Variants in EIPR1 observed in about 807,000 individuals in gnomAD.
The protein encoded by EIPR1 is EARP complex and GARP complex interacting protein 1.
Under a neutral mutation model 48.1 loss-of-function variants are expected in EIPR1, and 25 were observed. That is an observed-to-expected ratio of 0.52 (90% CI 0.38 to 0.73). The LOEUF is 0.73. Among genes scored for constraint, EIPR1 ranks in the 30% least tolerant of loss-of-function variants. EIPR1 has a pLI of 0.00. For missense variants in EIPR1, 415 were observed against 506.2 expected, an observed-to-expected ratio of 0.82 and a Z score of 1.73; for synonymous variants, 204 against 201.9, an observed-to-expected ratio of 1.01 and a Z score of -0.09.
chr2:3,218,694 AC>A (rs1665741746), intron 4 of EIPR1, among the ~76,000 whole-genome samples: 2 of 149,600 alleles, frequency 1.3e-5, no homozygotes, highest in South Asian at 4.3e-4. Flanking sequence ...TCAGGTGGAC[AC>A]CCAACACGGC....
chr2:3,255,486 A>G (rs1274654286), intron 4 of EIPR1, among the ~76,000 whole-genome samples: 3 of 152,198 alleles, frequency 2.0e-5, no homozygotes, highest in African/African-American at 7.2e-5. Flanking sequence ...CCCCACCTTC[A>G]ACAACTATTT....
At chr2:3,281,171 T>C (rs560899828) in intron 3 of EIPR1, among the ~76,000 whole-genome samples, 22 of 152,080 alleles carry the variant, frequency 1.4e-4, no homozygotes, top group East Asian at 5.8e-4. Flanking sequence ...CACAGTTGAG[T>C]GGACACAAAC....
At chr2:3,285,134 C>T (rs1284218508) in intron 3 of EIPR1, among the ~76,000 whole-genome samples, 2 of 152,160 alleles carry the variant, frequency 1.3e-5, no homozygotes, top group African/African-American at 4.8e-5. Context: ...CGGACAGTCC[C>T]CCGAGGTCAG....
chr2:3,310,616 G>A (rs35802819), intron 3 of EIPR1, among the ~76,000 whole-genome samples: 11,864 of 135,134 alleles, frequency 0.088, 668 homozygotes, highest in African/African-American at 0.16. Flanking sequence ...TCCCGCCACT[G>A]CACTCCAGCC....
At chr2:3,374,354 C>G (rs943412576) in intron 1 of EIPR1, among the ~76,000 whole-genome samples, 2,325 of 151,876 alleles carry the variant, frequency 0.015, 24 homozygotes, top group Non-Finnish European at 0.023. Context: ...AAAAGCAATG[C>G]CAACAAAAGC....
At chr2:3,193,885 A>T in intron 7 of EIPR1, 114 bp downstream of exon 7, 1 of 1,138,738 alleles carries the variant, frequency 8.8e-7, no homozygotes, top group Non-Finnish European at 1.2e-6. Flanking sequence ...GGGTTGATTG[A>T]ATGATTCACA....
chr2:3,326,824 T>C (rs1342393259), intron 3 of EIPR1, among the ~76,000 whole-genome samples: 3 of 152,250 alleles, frequency 2.0e-5, no homozygotes, highest in Non-Finnish European at 4.4e-5. Context: ...TAAATCTCAC[T>C]GAGATGATAA....
chr2:3,370,145 C>T lies in EIPR1; in HGVS notation c.42+7503G>A, dbSNP rs1671078584. Among the ~76,000 whole-genome samples the T allele has an allele frequency of 2.6e-5, 4 of 152,210 alleles. No homozygotes were observed. The South Asian group carries it at 8.3e-4, about 31-fold the overall frequency. ...GGCAAACAGGGTCTGGAGTGGACCTCTAGCAAACTCCAACAGACCTGCAGC... is the reference window on the plus strand; with the variant it reads ...GGCAAACAGGGTCTGGAGTGGACCTTTAGCAAACTCCAACAGACCTGCAGC... On this transcript the variant is annotated intron_variant, in intron 1 of 8. Coordinates refer to ENST00000382125, the MANE Select transcript of EIPR1 (RefSeq NM_003310.5).
At chr2:3,318,239 G>C (rs1015035652) in intron 3 of EIPR1, among the ~76,000 whole-genome samples, 2 of 152,218 alleles carry the variant, frequency 1.3e-5, no homozygotes, top group African/African-American at 4.8e-5. Context: ...GTTCTTTACA[G>C]TCTTACTGGA....
At chr2:3,334,598 G>A (rs1444139862) in intron 3 of EIPR1, among the ~76,000 whole-genome samples, 2 of 152,246 alleles carry the variant, frequency 1.3e-5, no homozygotes, top group Non-Finnish European at 2.9e-5. Context: ...CGCCGTGTGT[G>A]CTTCGAAGGG....
intron 4 of EIPR1, among the ~76,000 whole-genome samples, chr2:3,250,976 T>C (rs185457575): frequency 2.0e-4 from 31 of 152,194 alleles, no homozygotes; most frequent in African/African-American, 7.5e-4. Context: ...GTCTCAGTAT[T>C]CCTTTATAGC....
At chr2:3,284,834 G>A (rs920470093) in intron 3 of EIPR1, among the ~76,000 whole-genome samples, 16 of 152,120 alleles carry the variant, frequency 1.1e-4, no homozygotes, top group Non-Finnish European at 5.9e-5. Context: ...CAGAGTCAGA[G>A]GAAGAGAAGG....
intron 4 of EIPR1, among the ~76,000 whole-genome samples, chr2:3,251,211 G>A (rs1275276584): frequency 3.3e-5 from 5 of 152,322 alleles, no homozygotes; most frequent in East Asian, 1.9e-4. Context: ...CCTTTTCAGC[G>A]AGAAGACTGC....
intron 4 of EIPR1, among the ~76,000 whole-genome samples, chr2:3,224,754 C>T (rs1403673544): frequency 6.6e-6 from 1 of 152,208 alleles, no homozygotes; most frequent in Non-Finnish European, 1.5e-5. Context: ...CTGCACCTAC[C>T]GAGCTGAACA....
chr2:3,325,330 G>A (rs1377950252), intron 3 of EIPR1, among the ~76,000 whole-genome samples: 3 of 152,234 alleles, frequency 2.0e-5, no homozygotes, highest in Admixed American at 6.5e-5. Flanking sequence ...CAGGTTGTGA[G>A]AATGGGAATT....
intron 2 of EIPR1, among the ~76,000 whole-genome samples, chr2:3,339,194 C>T (rs988041499): frequency 6.6e-6 from 1 of 152,126 alleles, no homozygotes; most frequent in Non-Finnish European, 1.5e-5. Context: ...AAAATGTACG[C>T]GTGTCCAAAT....
intron 4 of EIPR1, among the ~76,000 whole-genome samples, chr2:3,224,321 G>C (rs887249024): frequency 6.6e-5 from 10 of 152,214 alleles, no homozygotes; most frequent in African/African-American, 2.4e-4. Context: ...CCTGCCGTAA[G>C]AGCAACCGGC....
chr2:3,355,860 G>C (rs1025221738), intron 1 of EIPR1, among the ~76,000 whole-genome samples: 1 of 136,794 alleles, frequency 7.3e-6, no homozygotes, highest in African/African-American at 2.6e-5. Flanking sequence ...AATTAAAATA[G>C]CCAGTCATAC....
chr2:3,240,036 T>C (rs940747240), intron 4 of EIPR1, among the ~76,000 whole-genome samples: 2 of 142,648 alleles, frequency 1.4e-5, no homozygotes, highest in Non-Finnish European at 3.0e-5. Flanking sequence ...AGCAGATCCT[T>C]CCTAAGGAAA....
Sources: allele counts gnomAD v4.1 joint callset (sites outside exome capture counted in the v4.1 genomes callset), GRCh38; gene constraint gnomAD v4.1.1; transcripts MANE v1.5; gene names NCBI Gene and HGNC (gene_info 2026-07-23, HGNC 2026-07-21).